The following ERBB4 variants were observed in gnomAD, a reference collection of about 807,000 sequenced individuals.
ERBB4 encodes the protein receptor tyrosine-protein kinase erbB-4.
ERBB4 carries 42 observed loss-of-function variants against 158.0 expected under a neutral mutation model. The observed-to-expected ratio is 0.27, with a 90% CI of 0.21 to 0.34. The LOEUF (loss-of-function observed/expected upper bound fraction) is 0.34. Ranked by LOEUF, ERBB4 falls within the 10% of genes least tolerant of loss-of-function variation. ERBB4 has a pLI of 1.00. For synonymous variants in ERBB4, 583 were observed against 558.7 expected, an observed-to-expected ratio of 1.04 and a Z score of -0.61; for missense variants, 1,333 against 1,624.1, an observed-to-expected ratio of 0.82 and a Z score of 3.08.
chr2:211,610,025 C>T (rs1014914415), intron 19 of ERBB4, among the ~76,000 whole-genome samples: 2 of 151,882 alleles, frequency 1.3e-5, no homozygotes, highest in Admixed American at 1.3e-4. Flanking sequence ...AAAGTAGACG[C>T]TTTTGTAATA....
At chr2:211,642,307 G>A (rs1329897161) in intron 16 of ERBB4, among the ~76,000 whole-genome samples, 4 of 151,978 alleles carry the variant, frequency 2.6e-5, no homozygotes, top group African/African-American at 9.7e-5. Context: ...TAATCAACCT[G>A]GTGGTAGATT....
intron 11 of ERBB4, 32 bp from the exon 12 acceptor site, chr2:211,702,198 TG>T (rs758704343): frequency 6.5e-7 from 1 of 1,531,504 alleles, no homozygotes; most frequent in Non-Finnish European, 9.1e-7. Context: ...AACGGAACCA[TG>T]AAACGCATTC....
At chr2:211,760,253 G>A (rs1394996051) in intron 4 of ERBB4, among the ~76,000 whole-genome samples, 1 of 152,194 alleles carries the variant, frequency 6.6e-6, no homozygotes, top group Non-Finnish European at 1.5e-5. Context: ...CAGAACATTT[G>A]ATAAAAGTAT....
intron 1 of ERBB4, among the ~76,000 whole-genome samples, chr2:212,514,092 G>C (rs1273263694): frequency 6.6e-6 from 1 of 151,684 alleles, no homozygotes; most frequent in Non-Finnish European, 1.5e-5. Flanking sequence ...ATAGCATTTT[G>C]TTCCAATTCA....
intron 1 of ERBB4, among the ~76,000 whole-genome samples, chr2:212,284,948 G>C (rs139959727): frequency 3.3e-5 from 5 of 152,200 alleles, no homozygotes; most frequent in African/African-American, 1.2e-4. Flanking sequence ...ATAGCATCTT[G>C]ACAGGCAGCC....
At chr2:211,668,958 C>G (rs1321375033) in intron 14 of ERBB4, among the ~76,000 whole-genome samples, 1 of 151,994 alleles carries the variant, frequency 6.6e-6, no homozygotes. Flanking sequence ...TGTGGTGGCT[C>G]ACATCTTTAA....
At chr2:211,831,776 G>A (rs187437186) in intron 3 of ERBB4, among the ~76,000 whole-genome samples, 2 of 152,102 alleles carry the variant, frequency 1.3e-5, no homozygotes, top group Non-Finnish European at 2.9e-5. Flanking sequence ...GGCAGCAGGT[G>A]CATATAATCC....
intron 1 of ERBB4, among the ~76,000 whole-genome samples, chr2:212,244,717 A>G (rs2084247375): frequency 6.6e-6 from 1 of 152,096 alleles, no homozygotes; most frequent in South Asian, 2.1e-4. Flanking sequence ...ATCTTTTCAG[A>G]TTTTATCTAT....
At chr2:212,311,619 G>GA (rs1281601776) in intron 1 of ERBB4, among the ~76,000 whole-genome samples, 2 of 150,874 alleles carry the variant, frequency 1.3e-5, no homozygotes, top group Non-Finnish European at 1.5e-5. Flanking sequence ...AAAACTATAT[G>GA]AAAAAAGTAG....
At chr2:212,512,155 C>A (rs1691558775) in intron 1 of ERBB4, among the ~76,000 whole-genome samples, 1 of 152,172 alleles carries the variant, frequency 6.6e-6, no homozygotes, top group Middle Eastern at 3.4e-3. Flanking sequence ...TTTATTCTGC[C>A]AGCAAGGAAG....
chr2:212,357,851 T>A (rs546970314), intron 1 of ERBB4, among the ~76,000 whole-genome samples: 1 of 151,928 alleles, frequency 6.6e-6, no homozygotes, highest in Non-Finnish European at 1.5e-5. Flanking sequence ...GTATCCTTTC[T>A]GAGCAGGGAG....
At position 211,709,274 on chromosome 2, in the gene ERBB4, T is replaced by TATACAC. The variant is rs1553615210; in HGVS notation, c.1124+2775_1124+2776insGTGTAT. 2.1e-4 allele frequency among the ~76,000 whole-genome samples: 28 copies of TATACAC among 136,552 alleles called. No individual in the cohort carries two copies. In the South Asian group the frequency reaches 5.5e-3, roughly 27 times the overall value. The allele number at this position is 136,552 out of a possible 152,430, so 89.6% of individuals were successfully genotyped here. On this transcript the variant is annotated intron_variant, in intron 9 of 27. Coordinates refer to ENST00000342788, the MANE Select transcript of ERBB4 (RefSeq NM_005235.3). The stretch of plus-strand genomic sequence containing the variant: ...ATACACATATATATATATATATATA[T>TATACAC]ACATACATATATATATACATATATA...
At chr2:212,127,677 C>A (rs929779230) in intron 1 of ERBB4, among the ~76,000 whole-genome samples, 1 of 152,078 alleles carries the variant, frequency 6.6e-6, no homozygotes, top group African/African-American at 2.4e-5. Flanking sequence ...CAAGACAATT[C>A]TTTTTTCGAT....
chr2:212,362,384 T>G (rs2089721188), intron 1 of ERBB4, among the ~76,000 whole-genome samples: 1 of 151,402 alleles, frequency 6.6e-6, no homozygotes, highest in South Asian at 2.1e-4. Flanking sequence ...TGTTTTAGCT[T>G]TTAAACATAT....
chr2:212,316,692 T>G (rs2087296870), intron 1 of ERBB4, among the ~76,000 whole-genome samples: 1 of 151,412 alleles, frequency 6.6e-6, no homozygotes. Flanking sequence ...GTTGAGAGAC[T>G]AGTAGCTGAG....
In ERBB4 at chr2:212,065,112, C is replaced by T. The variant is rs150373130; in HGVS notation, c.234+59640G>A. The stretch of plus-strand genomic sequence containing the variant: ...TCATCTAAATGGTTTTACTAATCAC[C>T]CCTACTAGACAAAGCACAAGAAAGT... On this transcript the variant is annotated intron_variant, in intron 2 of 27. Coordinates refer to ENST00000342788, the MANE Select transcript of ERBB4 (RefSeq NM_005235.3). Among the ~76,000 whole-genome samples the T allele has an allele frequency of 3.6e-3, 541 of 151,462 alleles. 14 individuals carry two copies. Among genetic ancestry groups the T allele is most frequent in the Admixed American group, 0.031 (468 of 15,128 alleles).
At chr2:211,973,391 C>A (rs1038147559) in intron 2 of ERBB4, among the ~76,000 whole-genome samples, 4 of 151,882 alleles carry the variant, frequency 2.6e-5, no homozygotes, top group African/African-American at 9.7e-5. Context: ...TTAGTAGAGA[C>A]GGGGTTTCAC....
chr2:212,280,740 A>G (rs1424857979), intron 1 of ERBB4, among the ~76,000 whole-genome samples: 1 of 151,696 alleles, frequency 6.6e-6, no homozygotes, highest in African/African-American at 2.4e-5. Flanking sequence ...ACCACAGTGG[A>G]AAAAGATGCA....
At chr2:212,435,910 G>GA (rs968327516) in intron 1 of ERBB4, among the ~76,000 whole-genome samples, 3 of 151,244 alleles carry the variant, frequency 2.0e-5, no homozygotes, top group Admixed American at 2.0e-4. Flanking sequence ...TTTGGTGAAA[G>GA]AAAAAAAATA....
Sources: gnomAD v4.1 joint callset for allele counts (sites outside exome capture counted in the v4.1 genomes callset) on GRCh38, gnomAD v4.1.1 for gene constraint, MANE v1.5 for transcripts, NCBI Gene and HGNC (gene_info 2026-07-23, HGNC 2026-07-21) for gene names.